The following TTC28 variants were observed in gnomAD, a reference collection of about 807,000 sequenced individuals.
TTC28 encodes tetratricopeptide repeat domain 28.
In TTC28, 61 loss-of-function variants were observed where a neutral mutation model predicts 198.0. The observed-to-expected ratio is 0.31, with a 90% CI of 0.25 to 0.38. The LOEUF (loss-of-function observed/expected upper bound fraction) is 0.38, where lower values mean the gene tolerates loss of function less well. TTC28 is among the 10% of genes least tolerant of loss of function. The pLI is 1.00. For synonymous variants in TTC28, 1,171 were observed against 1,297.8 expected (o/e 0.90, Z 2.10); for missense variants, 2,678 against 3,164.0 (o/e 0.85, Z 3.69).
At chr22:28,357,099 A>C (rs1225308615) in intron 2 of TTC28, among the ~76,000 whole-genome samples, 1 of 152,164 alleles carries the variant, frequency 6.6e-6, no homozygotes, top group African/African-American at 2.4e-5. Context: ...CTCATTTTAC[A>C]GATTAAAAAA....
intron 2 of TTC28, among the ~76,000 whole-genome samples, chr22:28,517,490 A>G (rs989274305): frequency 2.0e-5 from 3 of 152,218 alleles, no homozygotes; most frequent in Non-Finnish European, 4.4e-5. Flanking sequence ...TACAAAAGAT[A>G]GTCAGGTACT....
At chr22:28,210,597 T>G (rs1926846652) in intron 5 of TTC28, among the ~76,000 whole-genome samples, 1 of 151,874 alleles carries the variant, frequency 6.6e-6, no homozygotes, top group African/African-American at 2.4e-5. Flanking sequence ...GGAAAAAAAG[T>G]AAAAAGCAAG....
At chr22:27,991,839 G>A (rs185352037) in intron 19 of TTC28, among the ~76,000 whole-genome samples, 17 of 152,326 alleles carry the variant, frequency 1.1e-4, no homozygotes, top group African/African-American at 3.6e-4. Context: ...ACTGGAACCC[G>A]CCGAACTCCT....
chr22:28,297,702 G>T lies in TTC28; in HGVS notation c.680C>A (p.Thr227Asn). 1 of 1,551,694 alleles carries T rather than the reference G, an allele frequency of 6.4e-7. No individual in the cohort carries two copies. The highest frequency in any genetic ancestry group is 8.7e-7 in the Non-Finnish European group (1 of 1,147,006). ...VVLEAALKIG[T>N]CSLKLRGSVF... ...AGAACCTCTCAGTTTGAGGCTGCAG[G>T]TGCCAATCTTCAGTGCGGCTTCTAA... is the stretch of plus-strand genomic sequence containing the variant. Residue 227 changes from threonine (T) to asparagine (N), a missense_variant, in exon 4 of 23, where the codon ACC (threonine) becomes AAC (asparagine). This residue lies in a region of TTC28 where 36 missense variants were observed against 78.7 expected (regional missense o/e 0.46). Coordinates refer to ENST00000397906, the MANE Select transcript of TTC28 (RefSeq NM_001145418.2).
intron 6 of TTC28, among the ~76,000 whole-genome samples, chr22:28,141,305 T>A (rs1479645166): frequency 6.6e-6 from 1 of 152,210 alleles, no homozygotes; most frequent in East Asian, 1.9e-4. Context: ...AGTACTTAGC[T>A]GTATGTTTGT....
At chr22:28,490,708 G>A (rs1156680950) in intron 2 of TTC28, among the ~76,000 whole-genome samples, 1 of 152,216 alleles carries the variant, frequency 6.6e-6, no homozygotes, top group Non-Finnish European at 1.5e-5. Flanking sequence ...TCTCAAAGAA[G>A]TGTAGGCCTG....
intron 2 of TTC28, among the ~76,000 whole-genome samples, chr22:28,616,988 G>A (rs1024709090): frequency 1.3e-5 from 2 of 152,110 alleles, no homozygotes; most frequent in African/African-American, 4.8e-5. Flanking sequence ...CCTCCTTTAT[G>A]TAGTGTTATA....
chr22:28,041,396 T>G (rs886171385), intron 12 of TTC28, among the ~76,000 whole-genome samples: 3 of 152,052 alleles, frequency 2.0e-5, no homozygotes, highest in African/African-American at 7.2e-5. Flanking sequence ...TATAGACCAA[T>G]GGAACAGAAC....
intron 2 of TTC28, among the ~76,000 whole-genome samples, chr22:28,507,894 A>T (rs187907127): frequency 1.1e-3 from 168 of 152,320 alleles, no homozygotes; most frequent in African/African-American, 3.8e-3. Context: ...GCCTTGCAAG[A>T]GCTCCTGAAG....
chr22:28,547,045 TG>T (rs1314226104), intron 2 of TTC28, among the ~76,000 whole-genome samples: 2 of 152,234 alleles, frequency 1.3e-5, no homozygotes, highest in African/African-American at 4.8e-5. Context: ...ATATCTTGAC[TG>T]CACAGTCAAA....
chr22:28,055,562 G>T (rs547241318), intron 12 of TTC28, among the ~76,000 whole-genome samples: 4 of 152,306 alleles, frequency 2.6e-5, no homozygotes, highest in Middle Eastern at 3.4e-3. Context: ...TAAGGGCTGT[G>T]CTAGGAATCT....
intron 12 of TTC28, among the ~76,000 whole-genome samples, chr22:28,061,445 G>A (rs573150076): frequency 6.6e-6 from 1 of 152,302 alleles, no homozygotes; most frequent in East Asian, 1.9e-4. Context: ...TGGCTAGCCA[G>A]TTTTCCCAGC....
At chr22:28,597,935 G>A (rs548453580) in intron 2 of TTC28, among the ~76,000 whole-genome samples, 1 of 151,960 alleles carries the variant, frequency 6.6e-6, no homozygotes, top group South Asian at 2.1e-4. Context: ...GGGACAATAG[G>A]CACATGCCAC....
At chr22:28,296,402 A>G (rs2044897100) in intron 4 of TTC28, 74 bp from the exon 5 acceptor site, 4 of 1,226,102 alleles carry the variant, frequency 3.3e-6, no homozygotes, top group Non-Finnish European at 2.1e-6. Context: ...TATAATGGTC[A>G]TCTTAATTTA....
At chr22:28,351,051 C>T (rs2045988309) in intron 2 of TTC28, among the ~76,000 whole-genome samples, 1 of 151,974 alleles carries the variant, frequency 6.6e-6, no homozygotes, top group Non-Finnish European at 1.5e-5. Flanking sequence ...GGTGTGGTGG[C>T]GGGCACCTGT....
At chr22:28,647,839 A>AAAAAT (rs961231288) in intron 1 of TTC28, among the ~76,000 whole-genome samples, 8 of 151,632 alleles carry the variant, frequency 5.3e-5, no homozygotes, top group Non-Finnish European at 8.8e-5. Context: ...ACTCCCTCTC[A>AAAAAT]AAAATAAAAT....
intron 2 of TTC28, among the ~76,000 whole-genome samples, chr22:28,350,770 T>C (rs1401377249): frequency 6.6e-6 from 1 of 152,188 alleles, no homozygotes; most frequent in Non-Finnish European, 1.5e-5. Context: ...ACCTAAGAGA[T>C]ATTTAGGAGA....
At chr22:28,551,706 T>C (rs2049674898) in intron 2 of TTC28, among the ~76,000 whole-genome samples, 1 of 152,042 alleles carries the variant, frequency 6.6e-6, no homozygotes, top group Non-Finnish European at 1.5e-5. Flanking sequence ...CTCAGCAAAA[T>C]CAGCATAGAA....
In TTC28 at chr22:28,096,810, T is replaced by C. The variant is rs1458028307; in HGVS notation, c.3548-402A>G. On this transcript the variant is annotated intron_variant, in intron 10 of 22. Transcript: ENST00000397906. The stretch of plus-strand genomic sequence containing the variant: ...GGTGTCACTTGGCTCTCTACGTGTC[T>C]TTTTTTTTTTTTGAGACAGGGTCTC... Among the ~76,000 whole-genome samples the C allele has an allele frequency of 1.5e-5, 2 of 136,454 alleles. 1 individual carries two copies. Among genetic ancestry groups the C allele is most frequent in the South Asian group, 4.7e-4 (2 of 4,288 alleles). 89.5% of individuals were successfully genotyped at this position (136,454 alleles called of 152,430 possible).
Sources: gnomAD v4.1 joint callset for allele counts (sites outside exome capture counted in the v4.1 genomes callset) on GRCh38, gnomAD v4.1.1 for gene constraint, gnomAD v4.1.1 regional missense constraint, MANE v1.5 for transcripts, NCBI Gene and HGNC (gene_info 2026-07-23, HGNC 2026-07-21) for gene names.